OSBPL10: variants seen among roughly 807,000 people sequenced by gnomAD.
OSBPL10 encodes the protein oxysterol-binding protein-related protein 10.
A neutral mutation model predicts 81.7 loss-of-function variants in OSBPL10; 49 were observed. The ratio of observed to expected loss-of-function variants is 0.60; its 90% confidence interval spans 0.48 to 0.76. OSBPL10 has a LOEUF of 0.76. Ranked by LOEUF, OSBPL10 falls within the 30% of genes least tolerant of loss-of-function variation. The pLI, the probability that OSBPL10 is intolerant of heterozygous loss-of-function variation, is 0.00. For missense variants in OSBPL10, 923 were observed against 987.8 expected, an observed-to-expected ratio of 0.93 and a Z score of 0.88; for synonymous variants, 419 against 383.6, an observed-to-expected ratio of 1.09 and a Z score of -1.08.
chr3:31,684,078 A>T lies in OSBPL10; in HGVS notation c.1282T>A (p.Leu428Met), dbSNP rs748964322. The T allele has an allele frequency of 4.3e-6, 7 of 1,614,050 alleles. No individual in the cohort carries two copies. The highest frequency in any genetic ancestry group is 5.9e-6 in the Non-Finnish European group (7 of 1,179,988). Residue 428 changes from leucine to methionine, a missense_variant, in exon 8 of 12, where the codon TTG becomes ATG. Coordinates refer to ENST00000396556, the MANE Select transcript of OSBPL10 (RefSeq NM_017784.5). ...LPTFILEKRS[L>M]LEMYADFMAH... ...ATGAAATCTGCATACATCTCCAGCAAAGATCGCTTCTCCAGGATAAAGGTG... is the reference window on the plus strand; with the variant it reads ...ATGAAATCTGCATACATCTCCAGCATAGATCGCTTCTCCAGGATAAAGGTG...
At chr3:31,764,687 C>G (rs1698146086) in intron 4 of OSBPL10, among the ~76,000 whole-genome samples, 1 of 152,124 alleles carries the variant, frequency 6.6e-6, no homozygotes, top group African/African-American at 2.4e-5. Context: ...AAGCTTCAGG[C>G]TTAACCATCA....
chr3:32,025,337 A>C (rs1284613162), intron 2 of OSBPL10, among the ~76,000 whole-genome samples: 1 of 152,166 alleles, frequency 6.6e-6, no homozygotes, highest in Non-Finnish European at 1.5e-5. Context: ...GGGATACAGG[A>C]ATATTGCATT....
At chr3:31,700,036 A>T (rs1417258760) in intron 7 of OSBPL10, among the ~76,000 whole-genome samples, 1 of 152,146 alleles carries the variant, frequency 6.6e-6, no homozygotes, top group African/African-American at 2.4e-5. Context: ...ACAGGGCAAC[A>T]GAAGCCAAGA....
intron 4 of OSBPL10, among the ~76,000 whole-genome samples, chr3:31,783,133 AT>A (rs1476783095): frequency 7.2e-6 from 1 of 138,334 alleles, no homozygotes; most frequent in Non-Finnish European, 1.5e-5. Context: ...ATATATATAT[AT>A]ATATATATAT....
At chr3:31,713,385 A>T (rs949701677) in intron 6 of OSBPL10, among the ~76,000 whole-genome samples, 3 of 151,506 alleles carry the variant, frequency 2.0e-5, no homozygotes, top group African/African-American at 7.3e-5. Flanking sequence ...TCTTTTTTTA[A>T]TTTTATTTTA....
chr3:31,899,826 T>A (rs1056550949), intron 1 of OSBPL10, among the ~76,000 whole-genome samples: 17 of 152,034 alleles, frequency 1.1e-4, no homozygotes, highest in Non-Finnish European at 1.3e-4. Context: ...ACAAAAAAAA[T>A]TTTTTTAATT....
chr3:31,905,345 A>ATTTTTTTTTTTTTTTTTTTTTTTTTTT (rs386396290), intron 1 of OSBPL10, among the ~76,000 whole-genome samples: 10 of 94,818 alleles, frequency 1.1e-4, no homozygotes, highest in East Asian at 3.9e-4. Context: ...GAACCTGGTG[A>ATTTTTTTTTTTTTTTTTTTTTTTTTTT]TTTTTTTTTT....
At chr3:31,984,992 A>G (rs1698914229), upstream of OSBPL10, among the ~76,000 whole-genome samples, 1 of 152,228 alleles carries the variant, frequency 6.6e-6, no homozygotes, top group East Asian at 1.9e-4. Context: ...TAATCCCAGC[A>G]CTTTGGGAGG....
intron 5 of OSBPL10, among the ~76,000 whole-genome samples, chr3:31,743,959 C>T (rs1697439808): frequency 6.6e-6 from 1 of 152,188 alleles, no homozygotes; most frequent in Non-Finnish European, 1.5e-5. Flanking sequence ...CTCCCAGGGC[C>T]AACGTATTCT....
chr3:31,760,148 C>T (rs1439850568), intron 4 of OSBPL10, among the ~76,000 whole-genome samples: 1 of 152,136 alleles, frequency 6.6e-6, no homozygotes, highest in Non-Finnish European at 1.5e-5. Flanking sequence ...AGGTCTTCGT[C>T]CTTTTCTTCA....
intron 4 of OSBPL10, among the ~76,000 whole-genome samples, chr3:31,827,397 G>A (rs1031900235): frequency 3.9e-5 from 6 of 152,192 alleles, no homozygotes; most frequent in Admixed American, 1.3e-4. Context: ...AGCACTTTGG[G>A]AGGCTGAGGT....
intron 4 of OSBPL10, among the ~76,000 whole-genome samples, chr3:31,811,972 C>A (rs557731947): frequency 3.3e-5 from 5 of 152,124 alleles, no homozygotes; most frequent in Non-Finnish European, 5.9e-5. Context: ...ACATCTGAAC[C>A]AATAAATAAC....
intron 7 of OSBPL10, among the ~76,000 whole-genome samples, chr3:31,698,832 C>A (rs1695806626): frequency 6.6e-6 from 1 of 152,226 alleles, no homozygotes; most frequent in Non-Finnish European, 1.5e-5. Context: ...CCCCGTCCCA[C>A]CACTAGCTAC....
At chr3:31,932,435 A>G (rs932122291) in intron 1 of OSBPL10, among the ~76,000 whole-genome samples, 3 of 152,142 alleles carry the variant, frequency 2.0e-5, no homozygotes, top group African/African-American at 7.2e-5. Context: ...TTCTAACAAT[A>G]TAATAAATAA....
intron 11 of OSBPL10, chr3:31,663,787 A>C: frequency 7.5e-7 from 1 of 1,327,518 alleles, no homozygotes; most frequent in East Asian, 3.4e-5. Flanking sequence ...TCCAGTCTGC[A>C]GTCCCATCGC....
intron 4 of OSBPL10, among the ~76,000 whole-genome samples, chr3:31,817,665 G>A (rs558192572): frequency 3.3e-5 from 5 of 152,120 alleles, no homozygotes; most frequent in Non-Finnish European, 7.4e-5. Flanking sequence ...GCCCCGCCAA[G>A]GAGGGCAGGC....
chr3:31,762,536 G>A (rs892389114), intron 4 of OSBPL10, among the ~76,000 whole-genome samples: 1 of 151,336 alleles, frequency 6.6e-6, no homozygotes, highest in Non-Finnish European at 1.5e-5. Flanking sequence ...ACAGTGGCAT[G>A]ATCACGGCTC....
intron 6 of OSBPL10, among the ~76,000 whole-genome samples, chr3:31,712,401 C>T (rs550709506): frequency 2.0e-5 from 3 of 152,296 alleles, no homozygotes; most frequent in African/African-American, 4.8e-5. Flanking sequence ...CATGTGATTA[C>T]GTTAAGGACC....
chr3:32,073,549 C>T (rs1410721976), intron 1 of OSBPL10, among the ~76,000 whole-genome samples: 5 of 152,198 alleles, frequency 3.3e-5, no homozygotes, highest in African/African-American at 9.7e-5. Flanking sequence ...AACTCACTCA[C>T]ATTTCTGAAG....
Sources: allele counts gnomAD v4.1 joint callset (sites outside exome capture counted in the v4.1 genomes callset), GRCh38; gene constraint gnomAD v4.1.1; transcripts MANE v1.5; gene names NCBI Gene and HGNC (gene_info 2026-07-23, HGNC 2026-07-21).